The following AUH variants were observed in gnomAD, a reference collection of about 807,000 sequenced individuals.
AUH encodes AU RNA binding methylglutaconyl-CoA hydratase, also known as methylglutaconyl-CoA hydratase, mitochondrial.
In AUH, 29 loss-of-function variants were observed where a neutral mutation model predicts 42.3. The ratio of observed to expected loss-of-function variants is 0.69; its 90% CI spans 0.51 to 0.93. The LOEUF (loss-of-function observed/expected upper bound fraction) is 0.93. AUH is among the 40% of genes least tolerant of loss of function. AUH has a pLI of 0.00. For missense variants in AUH, 452 were observed against 438.1 expected, an observed-to-expected ratio of 1.03 and a Z score of -0.28; for synonymous variants, 174 against 166.4, an observed-to-expected ratio of 1.05 and a Z score of -0.35.
chr9:91,265,352 A>C (rs1829916672), intron 6 of AUH, among the ~76,000 whole-genome samples: 1 of 149,504 alleles, frequency 6.7e-6, no homozygotes, highest in Non-Finnish European at 1.5e-5. Flanking sequence ...TTTCTACTTA[A>C]ATTTTCATTT....
At chr9:91,225,708 C>T (rs1341574705) in intron 6 of AUH, among the ~76,000 whole-genome samples, 6 of 141,864 alleles carry the variant, frequency 4.2e-5, no homozygotes, top group African/African-American at 7.8e-5. Flanking sequence ...CCCCTCCCCC[C>T]ACCACACCAC....
At chr9:91,223,542 A>AT (rs1564008057) in intron 6 of AUH, among the ~76,000 whole-genome samples, 1 of 152,086 alleles carries the variant, frequency 6.6e-6, no homozygotes, top group Non-Finnish European at 1.5e-5. Context: ...GGATATACAA[A>AT]TATCTCTTCA....
At chr9:91,246,804 G>A (rs1828819654) in intron 6 of AUH, among the ~76,000 whole-genome samples, 1 of 152,214 alleles carries the variant, frequency 6.6e-6, no homozygotes, top group African/African-American at 2.4e-5. Flanking sequence ...TGTTTCTAAA[G>A]CACAAAATCC....
chr9:91,239,894 C>T (rs974387850), intron 6 of AUH, among the ~76,000 whole-genome samples: 1 of 152,096 alleles, frequency 6.6e-6, no homozygotes, highest in Non-Finnish European at 1.5e-5. Context: ...GCAATCAGGA[C>T]TGGAATGGGG....
intron 3 of AUH, among the ~76,000 whole-genome samples, chr9:91,348,087 A>C (rs1047125224): frequency 6.6e-6 from 1 of 152,038 alleles, no homozygotes; most frequent in African/African-American, 2.4e-5. Flanking sequence ...AAAACAAAAA[A>C]AAAACCTTAC....
intron 9 of AUH, among the ~76,000 whole-genome samples, chr9:91,215,639 C>T (rs1397378993): frequency 6.6e-6 from 1 of 152,042 alleles, no homozygotes; most frequent in Non-Finnish European, 1.5e-5. Flanking sequence ...CATTAGTGAA[C>T]TTTCAGTGGT....
rs370474921 is a variant in AUH, at chr9:91,279,419, C to T, written c.655+16602G>A. Among the ~76,000 whole-genome samples, 24 of 152,164 alleles carry T rather than the reference C, an allele frequency of 1.6e-4. No homozygotes were observed. In the South Asian group the frequency reaches 3.5e-3, roughly 22 times the overall value. Reference sequence around the variant, plus strand: ...CTATTTGTGTTGCTATAAAGAGATACCTGAGAGTAATTTATAAAGAAAAGA... The same window carrying T: ...CTATTTGTGTTGCTATAAAGAGATATCTGAGAGTAATTTATAAAGAAAAGA... On this transcript the variant is annotated intron_variant, in intron 6 of 9. Transcript: ENST00000375731.
At chr9:91,265,927 T>C (rs1176994464) in intron 6 of AUH, among the ~76,000 whole-genome samples, 1 of 152,224 alleles carries the variant, frequency 6.6e-6, no homozygotes, top group Non-Finnish European at 1.5e-5. Flanking sequence ...TTGGTATTCA[T>C]GTTTGTAATT....
At chr9:91,316,794 T>C (rs756890304) in intron 4 of AUH, among the ~76,000 whole-genome samples, 16 of 152,258 alleles carry the variant, frequency 1.1e-4, no homozygotes, top group South Asian at 2.1e-4. Context: ...TTGGCCACTA[T>C]GTGTTTCAAA....
chr9:91,323,779 A>C (rs1829769945), intron 4 of AUH, among the ~76,000 whole-genome samples: 1 of 152,072 alleles, frequency 6.6e-6, no homozygotes, highest in Non-Finnish European at 1.5e-5. Flanking sequence ...AAAGTATAAA[A>C]CTTCCTTGAA....
Position 91,322,058 on chromosome 9 carries a change from T to C in AUH, c.505+3260A>G, listed in dbSNP as rs181420598. Among the ~76,000 whole-genome samples, 3 of 152,288 alleles carry C rather than the reference T, an allele frequency of 2.0e-5. No homozygotes were observed. In the East Asian group the frequency reaches 5.8e-4, roughly 29 times the overall value. On this transcript the variant is annotated intron_variant, in intron 4 of 9. Transcript: ENST00000375731. ...CATATGTCCTTCAAAATGTCTGGAA[T>C]CATCACAGTAAGTCTACTGTAATGT...
chr9:91,284,189 C>G (rs2131583631), intron 6 of AUH, among the ~76,000 whole-genome samples: 1 of 152,106 alleles, frequency 6.6e-6, no homozygotes, highest in African/African-American at 2.4e-5. Flanking sequence ...CTTTGACAAA[C>G]CTGACAAAAA....
intron 6 of AUH, among the ~76,000 whole-genome samples, chr9:91,294,533 C>T (rs540822360): frequency 7.2e-5 from 11 of 152,292 alleles, no homozygotes; most frequent in South Asian, 6.2e-4. Flanking sequence ...GGCAACAGAG[C>T]GAGACTCCGT....
intron 4 of AUH, 86 bp downstream of exon 4, chr9:91,325,232 A>G (rs907331910): frequency 1.1e-5 from 11 of 1,036,614 alleles, no homozygotes; most frequent in Non-Finnish European, 1.5e-5. Context: ...ATATTTAACC[A>G]ATGCTTATAT....
intron 3 of AUH, among the ~76,000 whole-genome samples, chr9:91,325,865 C>A (rs1393737899): frequency 6.6e-6 from 1 of 152,184 alleles, no homozygotes; most frequent in East Asian, 1.9e-4. Flanking sequence ...TGTATTAGCA[C>A]AAATGCCAAC....
At chr9:91,358,041 A>G (rs1312917977) in intron 1 of AUH, among the ~76,000 whole-genome samples, 1 of 152,224 alleles carries the variant, frequency 6.6e-6, no homozygotes, top group African/African-American at 2.4e-5. Flanking sequence ...TTCGAGTCCA[A>G]TCAACAGATA....
chr9:91,290,077 T>C (rs1826734550), intron 6 of AUH, among the ~76,000 whole-genome samples: 1 of 152,202 alleles, frequency 6.6e-6, no homozygotes, highest in Non-Finnish European at 1.5e-5. Flanking sequence ...CTTGAAAGCT[T>C]CATGGTATTA....
chr9:91,264,157 A>G (rs1254247247), intron 6 of AUH, among the ~76,000 whole-genome samples: 1 of 152,202 alleles, frequency 6.6e-6, no homozygotes, highest in Non-Finnish European at 1.5e-5. Flanking sequence ...GTGTATATAC[A>G]CAATTTAATA....
At chr9:91,273,916 C>G (rs1383672557) in intron 6 of AUH, among the ~76,000 whole-genome samples, 1 of 152,194 alleles carries the variant, frequency 6.6e-6, no homozygotes, top group Non-Finnish European at 1.5e-5. Context: ...TTTCTTTTCT[C>G]TCTTCTCAGA....
Sources: gnomAD v4.1 joint callset for allele counts (sites outside exome capture counted in the v4.1 genomes callset) on GRCh38, gnomAD v4.1.1 for gene constraint, MANE v1.5 for transcripts, NCBI Gene and HGNC (gene_info 2026-07-23, HGNC 2026-07-21) for gene names.